The following PXDNL variants were observed in gnomAD, a reference collection of about 807,000 sequenced individuals.
The protein encoded by PXDNL is peroxidasin like.
In PXDNL, 145 loss-of-function variants were observed where a neutral mutation model predicts 150.8. The ratio of observed to expected loss-of-function variants is 0.96; its 90% CI spans 0.84 to 1.10. The LOEUF is 1.10. PXDNL is among the 50% of genes least tolerant of loss of function. PXDNL has a pLI of 0.00. For missense variants in PXDNL, 2,087 were observed against 1,873.9 expected (o/e 1.11, Z -2.10); for synonymous variants, 757 against 725.7 (o/e 1.04, Z -0.69).
intron 1 of PXDNL, among the ~76,000 whole-genome samples, chr8:51,698,459 A>G (rs1188009110): frequency 6.6e-6 from 1 of 152,168 alleles, no homozygotes; most frequent in Non-Finnish European, 1.5e-5. Context: ...TGATCATGAG[A>G]TTGCAGCAAT....
intron 1 of PXDNL, among the ~76,000 whole-genome samples, chr8:51,686,361 C>A (rs1320217731): frequency 6.6e-6 from 1 of 152,216 alleles, no homozygotes; most frequent in African/African-American, 2.4e-5. Context: ...GGCCATGAGC[C>A]GGTACTTGGA....
intron 1 of PXDNL, among the ~76,000 whole-genome samples, chr8:51,743,945 A>AAGGAAGGAAGGAAGG (rs2036935574): frequency 1.3e-4 from 3 of 22,400 alleles, no homozygotes; most frequent in Admixed American, 7.6e-4. Context: ...GGAAGGAGAG[A>AAGGAAGGAAGGAAGG]AAGAGAGAAA....
intron 2 of PXDNL, among the ~76,000 whole-genome samples, chr8:51,603,957 A>T (rs557750382): frequency 6.6e-6 from 1 of 152,142 alleles, no homozygotes; most frequent in South Asian, 2.1e-4. Context: ...AGTACTAAAG[A>T]TATGGCTTTT....
intron 4 of PXDNL, among the ~76,000 whole-genome samples, chr8:51,501,812 AAG>A (rs1218468732): frequency 2.0e-5 from 3 of 152,232 alleles, no homozygotes; most frequent in Non-Finnish European, 4.4e-5. Flanking sequence ...GGGAGAGTGA[AAG>A]AGGATGTGGG....
chr8:51,760,165 C>A (rs1271979850), intron 1 of PXDNL, among the ~76,000 whole-genome samples: 1 of 152,204 alleles, frequency 6.6e-6, no homozygotes, highest in Non-Finnish European at 1.5e-5. Flanking sequence ...ATTTGGAAAT[C>A]TCTCATTCTT....
Position 51,638,502 on chromosome 8 carries a change from G to T in PXDNL, c.236+16187C>A, listed in dbSNP as rs572848025. Among the ~76,000 whole-genome samples the T allele has an allele frequency of 5.7e-4, 87 of 152,186 alleles. 2 individuals carry two copies. Among genetic ancestry groups the T allele is most frequent in the African/African-American group, 2.1e-3 (87 of 41,498 alleles). ...ATAGGCTCAAAATAAAGGAATGGAG[G>T]AAGATCTACCAAGCAAATAGAAAAC... On this transcript the variant is annotated intron_variant, in intron 2 of 22. Transcript: ENST00000356297.
intron 1 of PXDNL, among the ~76,000 whole-genome samples, chr8:51,795,962 C>T (rs534379776): frequency 6.6e-6 from 1 of 152,334 alleles, no homozygotes; most frequent in South Asian, 2.1e-4. Context: ...CTTAAGACCA[C>T]ATGAGTAAAT....
chr8:51,323,803 C>T (rs1270688458), intron 21 of PXDNL, among the ~76,000 whole-genome samples: 2 of 151,806 alleles, frequency 1.3e-5, no homozygotes, highest in African/African-American at 4.8e-5. Flanking sequence ...GTAATCCCAG[C>T]TACTCGGGAG....
At chr8:51,337,000 CT>C (rs1230483340) in intron 21 of PXDNL, among the ~76,000 whole-genome samples, 2 of 152,126 alleles carry the variant, frequency 1.3e-5, no homozygotes, top group African/African-American at 4.8e-5. Context: ...TAAACACAGA[CT>C]TTGTATCAGG....
intron 3 of PXDNL, among the ~76,000 whole-genome samples, chr8:51,575,301 C>T: frequency 6.6e-6 from 1 of 151,032 alleles, no homozygotes; most frequent in East Asian, 1.9e-4. Context: ...AAAAAATGTA[C>T]AAGTAACCAA....
chr8:51,760,670 T>C (rs1270568181), intron 1 of PXDNL, among the ~76,000 whole-genome samples: 1 of 152,094 alleles, frequency 6.6e-6, no homozygotes, highest in East Asian at 1.9e-4. Flanking sequence ...TAACATCCAC[T>C]ATTTGTACCA....
intron 1 of PXDNL, among the ~76,000 whole-genome samples, chr8:51,725,022 C>G (rs990757219): frequency 6.6e-6 from 1 of 152,048 alleles, no homozygotes; most frequent in Non-Finnish European, 1.5e-5. Flanking sequence ...GGGTCTCACT[C>G]TGTCACCCAG....
chr8:51,662,190 GA>G (rs1815288755), intron 1 of PXDNL, among the ~76,000 whole-genome samples: 1 of 152,090 alleles, frequency 6.6e-6, no homozygotes, highest in South Asian at 2.1e-4. Context: ...AGATTCAATG[GA>G]CTGCAGATCA....
At position 51,795,924 on chromosome 8, in the gene PXDNL, G is replaced by A. The variant is rs143563031; in HGVS notation, c.164+13257C>T. Among the ~76,000 whole-genome samples, 33 of 152,296 alleles carry A rather than the reference G, an allele frequency of 2.2e-4. 1 individual carries two copies. The highest frequency in any genetic ancestry group is 1.2e-3 in the East Asian group (6 of 5,182). ...CACCCCGACCCTGGAGAGAGACATC[G>A]TGCACCCGCAAATGATCAAAGGTTG... On this transcript the variant is annotated intron_variant, in intron 1 of 22. Transcript: ENST00000356297.
At chr8:51,535,078 C>G (rs1269305464) in intron 4 of PXDNL, among the ~76,000 whole-genome samples, 2 of 110,934 alleles carry the variant, frequency 1.8e-5, no homozygotes, top group Non-Finnish European at 3.5e-5. Context: ...CCAGCCGCCC[C>G]GTCCGGGAGG....
intron 11 of PXDNL, among the ~76,000 whole-genome samples, chr8:51,448,700 AAAACAAACAAAC>A (rs55820855): frequency 0.017 from 2,525 of 150,530 alleles, 42 homozygotes; most frequent in East Asian, 0.083. Context: ...ACTCTGTCTC[AAAACAAACAAAC>A]AAACAAACAA....
intron 1 of PXDNL, among the ~76,000 whole-genome samples, chr8:51,720,486 G>A (rs1816707096): frequency 6.6e-6 from 1 of 152,056 alleles, no homozygotes; most frequent in Non-Finnish European, 1.5e-5. Context: ...AATCACATGT[G>A]AATAAGTATG....
chr8:51,743,226 T>C (rs1266254421), intron 1 of PXDNL, among the ~76,000 whole-genome samples: 3 of 152,008 alleles, frequency 2.0e-5, no homozygotes, highest in African/African-American at 7.3e-5. Flanking sequence ...ACTTTTGTTT[T>C]TGTTTTTTTG....
chr8:51,507,463 G>A (rs1317961232), intron 4 of PXDNL, among the ~76,000 whole-genome samples: 1 of 152,218 alleles, frequency 6.6e-6, no homozygotes, highest in Non-Finnish European at 1.5e-5. Flanking sequence ...TGCAAAGATG[G>A]ACTTGGGCAG....
Sources: allele counts gnomAD v4.1 joint callset (sites outside exome capture counted in the v4.1 genomes callset), GRCh38; gene constraint gnomAD v4.1.1; transcripts MANE v1.5; gene names NCBI Gene and HGNC (gene_info 2026-07-23, HGNC 2026-07-21).